Variants in GALNT13 observed in about 807,000 individuals in gnomAD.
GALNT13 encodes the protein UDP-GalNAc:polypeptide N-acetylgalactosaminyltransferase 13.
Under a neutral mutation model 64.2 loss-of-function variants are expected in GALNT13, and 28 were observed. The ratio of observed to expected loss-of-function variants is 0.44; its 90% CI spans 0.32 to 0.60. The LOEUF is 0.60. GALNT13 is among the 20% of genes least tolerant of loss of function. GALNT13 has a pLI of 0.05. For missense variants in GALNT13, 577 were observed against 669.8 expected, an observed-to-expected ratio of 0.86 and a Z score of 1.53; for synonymous variants, 214 against 224.6, an observed-to-expected ratio of 0.95 and a Z score of 0.42.
At chr2:153,777,516 G>A in the GALNT13 span, among the ~76,000 whole-genome samples, 2 of 152,334 alleles carry the variant, frequency 1.3e-5, no homozygotes, top group Non-Finnish European at 2.9e-5. Context: ...TGGCAGAAAA[G>A]AGGCAGCTAG....
the GALNT13 span, among the ~76,000 whole-genome samples, chr2:153,497,830 A>G: frequency 2.6e-5 from 4 of 152,142 alleles, no homozygotes; most frequent in Admixed American, 6.5e-5. Flanking sequence ...GAGCCACTGC[A>G]CCTGGCCATG....
In GALNT13 at chr2:154,297,523, C is replaced by G. The variant is rs796498748; in HGVS notation, c.976-3886C>G. ...CTCTCTCCATGATGTAAGGACACAG[C>G]AAAAAGATAGTCATCTACAAGTCAG... On this transcript the variant is annotated intron_variant, in intron 8 of 12. Transcript: ENST00000392825. Among the ~76,000 whole-genome samples, 26 of 152,148 alleles carry G rather than the reference C, an allele frequency of 1.7e-4. 1 individual carries two copies. The highest frequency in any genetic ancestry group is 6.3e-4 in the African/African-American group (26 of 41,512).
intron 2 of GALNT13, among the ~76,000 whole-genome samples, chr2:153,939,946 C>G (rs564823435): frequency 2.0e-5 from 3 of 152,146 alleles, no homozygotes; most frequent in Non-Finnish European, 2.9e-5. Flanking sequence ...AGACTCAAAT[C>G]ATGACAATGT....
At chr2:153,541,401 G>C in the GALNT13 span, among the ~76,000 whole-genome samples, 1 of 152,122 alleles carries the variant, frequency 6.6e-6, no homozygotes, top group Admixed American at 6.5e-5. Flanking sequence ...TTATAGCAGG[G>C]TGAGAATGGA....
At chr2:153,503,638 A>G in the GALNT13 span, among the ~76,000 whole-genome samples, 1 of 151,764 alleles carries the variant, frequency 6.6e-6, no homozygotes, top group Non-Finnish European at 1.5e-5. Context: ...ACAAGGTTTC[A>G]CCCCGTTGGC....
At chr2:154,327,060 A>G (rs1326077652) in intron 9 of GALNT13, among the ~76,000 whole-genome samples, 3 of 152,070 alleles carry the variant, frequency 2.0e-5, no homozygotes, top group African/African-American at 7.2e-5. Context: ...AGGTCAAGGA[A>G]GGGACCAGGT....
the GALNT13 span, among the ~76,000 whole-genome samples, chr2:153,392,011 T>C: frequency 1.3e-5 from 2 of 148,586 alleles, no homozygotes; most frequent in African/African-American, 4.9e-5. Flanking sequence ...TTCATCACAT[T>C]AATTATATGT....
intron 4 of GALNT13, among the ~76,000 whole-genome samples, chr2:154,201,844 C>T (rs1687188714): frequency 6.6e-6 from 1 of 152,092 alleles, no homozygotes; most frequent in African/African-American, 2.4e-5. Flanking sequence ...AGTGCTTGCC[C>T]TTCACCTAAG....
chr2:153,191,086 C>T, the GALNT13 span, among the ~76,000 whole-genome samples: 3 of 152,042 alleles, frequency 2.0e-5, no homozygotes, highest in African/African-American at 4.8e-5. Flanking sequence ...CCAGATTACT[C>T]TGGCTAAGAC....
At chr2:154,033,901 T>C (rs1176655193) in intron 3 of GALNT13, among the ~76,000 whole-genome samples, 1 of 152,078 alleles carries the variant, frequency 6.6e-6, no homozygotes, top group Non-Finnish European at 1.5e-5. Context: ...ATTGTGCCAT[T>C]GCACTCCAGC....
intron 9 of GALNT13, among the ~76,000 whole-genome samples, chr2:154,350,585 G>A (rs1489044512): frequency 6.6e-6 from 1 of 152,160 alleles, no homozygotes; most frequent in African/African-American, 2.4e-5. Flanking sequence ...AGCCTATTGT[G>A]GAACTTCACC....
the GALNT13 span, among the ~76,000 whole-genome samples, chr2:153,196,632 G>T: frequency 6.6e-6 from 1 of 152,078 alleles, no homozygotes; most frequent in African/African-American, 2.4e-5. Flanking sequence ...GGCAGCCCCG[G>T]CCATGCCTGC....
At chr2:153,661,477 C>T in the GALNT13 span, among the ~76,000 whole-genome samples, 1 of 152,010 alleles carries the variant, frequency 6.6e-6, no homozygotes, top group Non-Finnish European at 1.5e-5. Context: ...TTTTCCAATT[C>T]CAAATTTTTT....
At chr2:153,571,483 T>C in the GALNT13 span, among the ~76,000 whole-genome samples, 1 of 152,054 alleles carries the variant, frequency 6.6e-6, no homozygotes, top group African/African-American at 2.4e-5. Flanking sequence ...TCCAGGACTA[T>C]GTTGAATAAC....
the GALNT13 span, among the ~76,000 whole-genome samples, chr2:153,718,957 C>T: frequency 6.6e-6 from 1 of 151,952 alleles, no homozygotes; most frequent in Non-Finnish European, 1.5e-5. Context: ...GAAGAAATGC[C>T]GTGAATTTTA....
the GALNT13 span, among the ~76,000 whole-genome samples, chr2:153,210,565 A>G: frequency 6.6e-6 from 1 of 152,124 alleles, no homozygotes; most frequent in Non-Finnish European, 1.5e-5. Context: ...ATGTTTTGTT[A>G]AAGATTTTTG....
At chr2:153,688,060 CA>C in the GALNT13 span, among the ~76,000 whole-genome samples, 2 of 151,982 alleles carry the variant, frequency 1.3e-5, no homozygotes, top group African/African-American at 4.8e-5. Context: ...GTAAAATTCT[CA>C]AATTATATTT....
chr2:153,229,381 G>A, the GALNT13 span, among the ~76,000 whole-genome samples: 1 of 152,104 alleles, frequency 6.6e-6, no homozygotes, highest in Non-Finnish European at 1.5e-5. Flanking sequence ...CATATCAAAG[G>A]ATCTTATCCT....
chr2:153,879,068 G>T (rs1686590337), intron 1 of GALNT13, among the ~76,000 whole-genome samples: 1 of 152,154 alleles, frequency 6.6e-6, no homozygotes, highest in Non-Finnish European at 1.5e-5. Context: ...TTTCCTATGT[G>T]ATTCTGAGGT....
Sources: allele counts gnomAD v4.1 joint callset (sites outside exome capture counted in the v4.1 genomes callset), GRCh38; gene constraint gnomAD v4.1.1; transcripts MANE v1.5; gene names NCBI Gene and HGNC (gene_info 2026-07-23, HGNC 2026-07-21).